The following MTCL2 variants were observed in gnomAD, a reference collection of about 807,000 sequenced individuals.
The protein encoded by MTCL2 is microtubule cross-linking factor 2.
chr20:36,794,347 A>C, the MTCL2 span: 11 of 1,595,588 alleles, frequency 6.9e-6, no homozygotes, highest in Non-Finnish European at 9.4e-6. This position sits in a 1 kb window ranked among gnomAD's most constrained non-coding sequence, Gnocchi z 5.4. Flanking sequence ...CCGTCTTGTC[A>C]GGAGCCGTGT....
chr20:36,849,876 C>CAGG, the MTCL2 span, among the ~76,000 whole-genome samples: 13 of 152,204 alleles, frequency 8.5e-5, no homozygotes, highest in Admixed American at 8.5e-4. Context: ...GACCAAACAC[C>CAGG]AGGACCCTCT....
the MTCL2 span, among the ~76,000 whole-genome samples, chr20:36,848,420 G>A: frequency 5.4e-4 from 82 of 152,216 alleles, 1 homozygote; most frequent in Non-Finnish European, 1.1e-3. Context: ...TCTTGGTCCC[G>A]GCTGGGCCGG....
At chr20:36,792,875 GACA>G in the MTCL2 span, among the ~76,000 whole-genome samples, 2 of 151,644 alleles carry the variant, frequency 1.3e-5, no homozygotes, top group African/African-American at 4.9e-5. Context: ...CAGACAGACA[GACA>G]GACAGACAGA....
At chr20:36,804,626 G>T in the MTCL2 span, 1 of 1,418,956 alleles carries the variant, frequency 7.0e-7, no homozygotes, top group Non-Finnish European at 9.7e-7. Flanking sequence ...TGAAGCAACG[G>T]CATTCTTATT....
chr20:36,858,988 G>A, the MTCL2 span, among the ~76,000 whole-genome samples: 11 of 151,998 alleles, frequency 7.2e-5, no homozygotes, highest in Non-Finnish European at 1.3e-4. Flanking sequence ...ATGGGGTTTC[G>A]CCACGTTGGC....
chr20:36,837,570 T>TTAG, the MTCL2 span, among the ~76,000 whole-genome samples: 16 of 148,728 alleles, frequency 1.1e-4, no homozygotes, highest in Non-Finnish European at 2.2e-4. Flanking sequence ...ATTATTATTA[T>TTAG]TATTATTATT....
At chr20:36,862,828 G>C in the MTCL2 span, 1 of 1,329,990 alleles carries the variant, frequency 7.5e-7, no homozygotes, top group Non-Finnish European at 9.6e-7. Flanking sequence ...GGGGAGGCGG[G>C]CGGCCGCGGG....
the MTCL2 span, chr20:36,862,795 A>G: frequency 7.0e-7 from 1 of 1,419,228 alleles, no homozygotes; most frequent in Non-Finnish European, 9.2e-7. Flanking sequence ...CCCACCGACG[A>G]CGCGGCCACC....
the MTCL2 span, among the ~76,000 whole-genome samples, chr20:36,832,093 T>A: frequency 6.6e-6 from 1 of 152,220 alleles, no homozygotes; most frequent in African/African-American, 2.4e-5. Flanking sequence ...TAATAAATGC[T>A]TGTTGGATGA....
At chr20:36,833,380 C>T in the MTCL2 span, among the ~76,000 whole-genome samples, 1 of 152,344 alleles carries the variant, frequency 6.6e-6, no homozygotes, top group Admixed American at 6.5e-5. Flanking sequence ...AGGGCAAATC[C>T]CTAAACCATA....
At chr20:36,858,240 C>T in the MTCL2 span, among the ~76,000 whole-genome samples, 1,546 of 151,918 alleles carry the variant, frequency 0.01, 33 homozygotes, top group African/African-American at 0.035. Flanking sequence ...TAGGTGCTTC[C>T]TCCAGGCCCT....
the MTCL2 span, among the ~76,000 whole-genome samples, chr20:36,818,583 T>C: frequency 2.6e-5 from 4 of 152,162 alleles, no homozygotes; most frequent in African/African-American, 7.2e-5. Flanking sequence ...GAGGATTGCT[T>C]GCATTGAGGA....
chr20:36,822,427 CAGCAACTCACAAGGCCATCTTTGAGCAG>C, the MTCL2 span, among the ~76,000 whole-genome samples: 1 of 152,266 alleles, frequency 6.6e-6, no homozygotes, highest in African/African-American at 2.4e-5. Flanking sequence ...CCCCACTCGC[CAGCAACTCACAAGGCCATCTTTGAGCAG>C]CCAGTGTGGT....
the MTCL2 span, among the ~76,000 whole-genome samples, chr20:36,789,046 T>C: frequency 1.3e-5 from 2 of 152,276 alleles, no homozygotes; most frequent in African/African-American, 4.8e-5. Context: ...CCTCAGGTGA[T>C]TGGGTGAGCC....
the MTCL2 span, among the ~76,000 whole-genome samples, chr20:36,853,488 C>T: frequency 6.6e-6 from 1 of 152,164 alleles, no homozygotes; most frequent in Non-Finnish European, 1.5e-5. Flanking sequence ...GCGTTTAATG[C>T]GTTCCAGACA....
At chr20:36,845,806 T>G in the MTCL2 span, among the ~76,000 whole-genome samples, 45,020 of 151,630 alleles carry the variant, frequency 0.3, 7,556 homozygotes, top group Middle Eastern at 0.43. Context: ...CCAGGAGAGC[T>G]CTCCAGTGAC....
At chr20:36,855,858 T>C in the MTCL2 span, among the ~76,000 whole-genome samples, 2 of 152,002 alleles carry the variant, frequency 1.3e-5, no homozygotes, top group Admixed American at 6.6e-5. Flanking sequence ...CACAGTGAGG[T>C]TTGGCTCCAG....
the MTCL2 span, among the ~76,000 whole-genome samples, chr20:36,833,820 G>A: frequency 2.0e-5 from 3 of 152,050 alleles, no homozygotes; most frequent in East Asian, 5.8e-4. Context: ...CCACCGTACT[G>A]CAGCCTGGGT....
the MTCL2 span, chr20:36,810,022 C>G: frequency 6.2e-7 from 1 of 1,600,568 alleles, no homozygotes; most frequent in East Asian, 2.3e-5. Flanking sequence ...CTCCTCCTTT[C>G]GTAGCTGCCG....
Sources: allele counts gnomAD v4.1 joint callset (sites outside exome capture counted in the v4.1 genomes callset), GRCh38; gene constraint gnomAD v4.1.1; non-coding constraint Gnocchi (gnomAD v3.1); transcripts MANE v1.5; gene names NCBI Gene and HGNC (gene_info 2026-07-23, HGNC 2026-07-21).